The following SLC2A9 variants were observed in gnomAD, a reference collection of about 807,000 sequenced individuals.
SLC2A9 encodes the protein solute carrier family 2, facilitated glucose transporter member 9.
A neutral mutation model predicts 50.6 loss-of-function variants in SLC2A9; 39 were observed. That is an observed-to-expected ratio of 0.77 (90% CI 0.60 to 1.01). The LOEUF (loss-of-function observed/expected upper bound fraction) is 1.01. SLC2A9 is among the 50% of genes least tolerant of loss of function. The pLI, the probability that SLC2A9 is intolerant of heterozygous loss-of-function variation, is 0.00. For synonymous variants in SLC2A9, 324 were observed against 276.9 expected (o/e 1.17, Z -1.69); for missense variants, 686 against 677.6 (o/e 1.01, Z -0.14).
At chr4:10,009,568 C>A (rs1485559013) in intron 2 of SLC2A9, 1 of 152,208 alleles carries the variant, frequency 6.6e-6, no homozygotes, top group East Asian at 1.9e-4. Context: ...AAACCCTGGG[C>A]TTAAATACTA....
At chr4:9,843,102 T>C (rs766282217) in intron 10 of SLC2A9, among the ~76,000 whole-genome samples, 5 of 152,096 alleles carry the variant, frequency 3.3e-5, no homozygotes, top group African/African-American at 4.8e-5. Flanking sequence ...TGTTATACTT[T>C]GAGCAGTGCT....
chr4:9,824,642 G>C (rs548959845), downstream of SLC2A9, among the ~76,000 whole-genome samples: 1 of 152,280 alleles, frequency 6.6e-6, no homozygotes, highest in East Asian at 1.9e-4. Flanking sequence ...TTCTCTGGTA[G>C]ACATGGGCTT....
At chr4:10,035,893 C>T (rs1764091745) in intron 1 of SLC2A9, 1 of 153,556 alleles carries the variant, frequency 6.5e-6, no homozygotes, top group African/African-American at 2.4e-5. Flanking sequence ...GACTTTAGGA[C>T]TTGCACCAGC....
chr4:9,934,037 T>C (rs548841313), intron 6 of SLC2A9, among the ~76,000 whole-genome samples: 51 of 152,328 alleles, frequency 3.3e-4, no homozygotes, highest in African/African-American at 1.2e-3. Flanking sequence ...TAATTCCATC[T>C]GTGACCTTAA....
At chr4:9,900,851 C>T (rs1739468163) in intron 8 of SLC2A9, among the ~76,000 whole-genome samples, 1 of 152,084 alleles carries the variant, frequency 6.6e-6, no homozygotes, top group African/African-American at 2.4e-5. Flanking sequence ...CTCATGAGAA[C>T]TCACTCACTA....
rs763040120 is a variant in SLC2A9 at position 9,890,726 on chromosome 4, A to G, written c.1114-15T>C. On this transcript the variant is annotated splice_polypyrimidine_tract_variant and intron_variant, in intron 8 of 11. Coordinates refer to ENST00000264784, the MANE Select transcript of SLC2A9 (RefSeq NM_020041.3). ...ATGACCAAACCCTAGTCCAGGGTAA[A>G]AGAGAGAGAGAGAGCTATTATTCCA... is the stretch of plus-strand genomic sequence containing the variant. 3 of 1,595,950 alleles carry G rather than the reference A, an allele frequency of 1.9e-6. No homozygotes were observed. In the East Asian group the frequency reaches 6.7e-5, roughly 36 times the overall value.
chr4:10,019,163 G>T, intron 1 of SLC2A9, 90 bp from the exon 2 acceptor site: 1 of 1,040,630 alleles, frequency 9.6e-7, no homozygotes, highest in Non-Finnish European at 1.5e-6. Context: ...GCTGGGGGAG[G>T]CCTTCCGGAG....
intron 2 of SLC2A9, among the ~76,000 whole-genome samples, chr4:10,018,432 C>A (rs1229963459): frequency 2.0e-5 from 3 of 152,116 alleles, no homozygotes; most frequent in Admixed American, 1.3e-4. Flanking sequence ...GCCCCAGTTA[C>A]TCGGGAGGCT....
chr4:9,806,349 T>A (rs1026790222), intron 3 of SLC2A9, among the ~76,000 whole-genome samples: 17 of 152,256 alleles, frequency 1.1e-4, no homozygotes, highest in African/African-American at 3.6e-4. Context: ...CTTAAGAATG[T>A]GTTCATGCTG....
intron 10 of SLC2A9, among the ~76,000 whole-genome samples, chr4:9,840,280 C>T (rs1313020056): frequency 6.6e-6 from 1 of 152,148 alleles, no homozygotes; most frequent in Non-Finnish European, 1.5e-5. Context: ...CCAAACCCTG[C>T]AATTCATTTA....
At chr4:9,846,857 G>GC (rs112865378) in intron 10 of SLC2A9, among the ~76,000 whole-genome samples, 9 of 151,976 alleles carry the variant, frequency 5.9e-5, no homozygotes, top group Non-Finnish European at 8.8e-5. Context: ...AATTTCTAAA[G>GC]CCCCCCCAAA....
intron 2 of SLC2A9, chr4:10,006,687 T>G (rs1314369556): frequency 6.6e-6 from 1 of 152,154 alleles, no homozygotes; most frequent in Non-Finnish European, 1.5e-5. Context: ...AAAAGCCTGC[T>G]GCAGGGTAAG....
At chr4:10,027,473 G>T (rs548403111) in intron 1 of SLC2A9, among the ~76,000 whole-genome samples, 2 of 151,886 alleles carry the variant, frequency 1.3e-5, no homozygotes, top group African/African-American at 2.4e-5. Context: ...CCTCAGCACC[G>T]CACCATTAAA....
chr4:10,023,387 C>T (rs1763641772), upstream of SLC2A9, among the ~76,000 whole-genome samples: 3 of 152,144 alleles, frequency 2.0e-5, no homozygotes, highest in Admixed American at 2.0e-4. Context: ...TCTCATTTAC[C>T]CCTCCTCATC....
chr4:9,954,226 A>G (rs1003355343), intron 5 of SLC2A9, among the ~76,000 whole-genome samples: 1 of 152,230 alleles, frequency 6.6e-6, no homozygotes, highest in East Asian at 1.9e-4. Flanking sequence ...GCATGAGCCA[A>G]TGTGCCCAGC....
chr4:9,919,064 T>C (rs1165622988), intron 7 of SLC2A9, among the ~76,000 whole-genome samples: 4 of 152,176 alleles, frequency 2.6e-5, no homozygotes, highest in African/African-American at 9.7e-5. Context: ...TGGTTCTCAG[T>C]GTAAATGCCT....
At chr4:9,835,099 C>G in intron 10 of SLC2A9, 91 bp from the exon 11 acceptor site, 1 of 1,581,124 alleles carries the variant, frequency 6.3e-7, no homozygotes, top group Admixed American at 1.7e-5. Flanking sequence ...TTAGAACCCC[C>G]CCACCCCTGC....
At chr4:9,801,186 A>G (rs959777909) in intron 3 of SLC2A9, among the ~76,000 whole-genome samples, 3 of 151,848 alleles carry the variant, frequency 2.0e-5, no homozygotes, top group Non-Finnish European at 4.4e-5. Context: ...CAGGCAGTCA[A>G]CCACCTGGCA....
At chr4:9,961,370 A>G (rs979497270) in intron 5 of SLC2A9, among the ~76,000 whole-genome samples, 2 of 152,230 alleles carry the variant, frequency 1.3e-5, no homozygotes, top group African/African-American at 2.4e-5. Flanking sequence ...CATATAGACC[A>G]ATGAACAGAA....
Sources: allele counts gnomAD v4.1 joint callset (sites outside exome capture counted in the v4.1 genomes callset), GRCh38; gene constraint gnomAD v4.1.1; transcripts MANE v1.5; gene names NCBI Gene and HGNC (gene_info 2026-07-23, HGNC 2026-07-21).